The following FADS3 variants were observed in gnomAD, a reference collection of about 807,000 sequenced individuals.
FADS3 encodes the protein fatty acid desaturase 3.
FADS3 carries 30 observed loss-of-function variants against 60.4 expected under a neutral mutation model. The ratio of observed to expected loss-of-function variants is 0.50; its 90% CI spans 0.37 to 0.67. The LOEUF is 0.67. Ranked by LOEUF, FADS3 falls within the 30% of genes least tolerant of loss-of-function variation. FADS3 has a pLI of 0.00. For synonymous variants in FADS3, 234 were observed against 249.3 expected (o/e 0.94, Z 0.58); for missense variants, 432 against 598.3 (o/e 0.72, Z 2.90).
chr11:61,889,715 G>A (rs2136003423), intron 1 of FADS3, among the ~76,000 whole-genome samples: 1 of 152,290 alleles, frequency 6.6e-6, no homozygotes, highest in African/African-American at 2.4e-5. Context: ...ACTAGAGCAG[G>A]CCGGGAGTGG....
Position 61,878,530 on chromosome 11 carries a change from C to A in FADS3, c.729G>T (p.Leu243=). 1 of 1,614,052 alleles carries A rather than the reference C, an allele frequency of 6.2e-7. No homozygotes were observed. Among genetic ancestry groups the A allele is most frequent in the Non-Finnish European group, 8.5e-7 (1 of 1,179,962 alleles). Residue 243 remains leucine, a synonymous_variant, in exon 5 of 12, where the codon CTG becomes CTT. Coordinates refer to ENST00000278829, the MANE Select transcript of FADS3 (RefSeq NM_021727.5). Reference sequence around the variant, plus strand: ...CACCCACCTCGACGGATGACTCCCCCAGGAGGAAGACGGGCGCCACCGTCA... The same window carrying A: ...CACCCACCTCGACGGATGACTCCCCAAGGAGGAAGACGGGCGCCACCGTCA... The part of the protein sequence containing the change: ...PDVTVAPVFL[L]GESSVEYGKK...
Position 61,877,733 on chromosome 11 carries a change from CA to C in FADS3, c.809-147del, listed in dbSNP as rs1351048379. ...CAGCTGAATGACCCCATATCACCCC[CA>C]ATTCTGTGTCCAAGCCTCCCCAGGC... On this transcript the variant is annotated intron_variant, in intron 6 of 11. Coordinates refer to ENST00000278829, the MANE Select transcript of FADS3 (RefSeq NM_021727.5). The surrounding 1 kb of genome is among the most constrained non-coding windows in gnomAD (Gnocchi z 4.7). The C allele has an allele frequency of 1.4e-6, 1 of 722,470 alleles. No individual in the cohort carries two copies. Among genetic ancestry groups the C allele is most frequent in the Non-Finnish European group, 2.3e-6 (1 of 426,316 alleles). 44.8% of individuals were successfully genotyped at this position (722,470 alleles called of 1,614,324 possible).
intron 1 of FADS3, among the ~76,000 whole-genome samples, chr11:61,883,115 T>C (rs2092798706): frequency 6.6e-6 from 1 of 152,232 alleles, no homozygotes; most frequent in African/African-American, 2.4e-5. Context: ...ATTAAGTGCA[T>C]GCACAGTGTT....
At position 61,877,978 on chromosome 11, in the gene FADS3, A is replaced by G; in HGVS notation, c.808+177T>C. 1 of 656,560 alleles carries G rather than the reference A, an allele frequency of 1.5e-6. No individual in the cohort carries two copies. 40.7% of individuals were successfully genotyped at this position (656,560 alleles called of 1,614,324 possible). ...CCCAGGCACGGGAGACAGCTGGGGCAAAGGCATGCTGCTGGGAGAGTGTGT... is the reference window on the plus strand; with the variant it reads ...CCCAGGCACGGGAGACAGCTGGGGCGAAGGCATGCTGCTGGGAGAGTGTGT... On this transcript the variant is annotated intron_variant, in intron 6 of 11. Coordinates refer to ENST00000278829, the MANE Select transcript of FADS3 (RefSeq NM_021727.5). This position sits in a 1 kb window ranked among gnomAD's most constrained non-coding sequence, Gnocchi z 4.7.
chr11:61,878,875 G>A (rs200953117), intron 3 of FADS3, 28 bp from the exon 4 acceptor site: 2 of 1,606,350 alleles, frequency 1.2e-6, no homozygotes, highest in African/African-American at 1.3e-5. Context: ...GTCAGAAGCT[G>A]TTGGGAAGGA....
At chr11:61,880,176 GGACA>G (rs1469999794) in intron 1 of FADS3, 25 bp from the exon 2 acceptor site, 1 of 1,592,180 alleles carries the variant, frequency 6.3e-7, no homozygotes, top group Non-Finnish European at 8.6e-7. Flanking sequence ...ACAGTCAGGC[GGACA>G]GACAGACACA....
rs1238810971 is a variant in FADS3, at chr11:61,876,035, C to T, written c.1161-59G>A. 5.6e-6 allele frequency: 9 copies of T among 1,610,874 alleles called. No homozygotes were observed. The highest frequency in any genetic ancestry group is 1.7e-5 in the Admixed American group (1 of 59,974). On this transcript the variant is annotated intron_variant, in intron 10 of 11. Coordinates refer to ENST00000278829, the MANE Select transcript of FADS3 (RefSeq NM_021727.5). This position sits in a 1 kb window ranked among gnomAD's most constrained non-coding sequence, Gnocchi z 5.7. The stretch of plus-strand genomic sequence containing the variant: ...TGGGAGATTCCAGAGAGAGGCCCCA[C>T]CCACGGGTCCCCTCCCAGGATCCCC...
chr11:61,889,240 G>C (rs1260300972), intron 1 of FADS3, among the ~76,000 whole-genome samples: 1 of 152,206 alleles, frequency 6.6e-6, no homozygotes, highest in Non-Finnish European at 1.5e-5. Flanking sequence ...GAATCAATGA[G>C]AAAACTGTGT....
chr11:61,878,388 C>T, intron 5 of FADS3, 124 bp downstream of exon 5: 27 of 1,455,256 alleles, frequency 1.9e-5, no homozygotes, highest in Non-Finnish European at 2.5e-5. Context: ...GGGGGCAGAG[C>T]TTGGCCCAGC....
rs377115399 is a variant in FADS3 at position 61,878,625 on chromosome 11, C to T, written c.634G>A (p.Ala212Thr). ...FVMGQLKGFS[A>T]HWWNFRHFQH... ...AAGTGGCGGAAGTTCCACCAGTGGG[C>T]GGAGAAGCCCTGTGGAGGAGGAGGG... is the stretch of plus-strand genomic sequence containing the variant. The change falls in exon 5 of 12, where the codon GCC (alanine) becomes ACC (threonine). Residue 212 changes from alanine (A) to threonine (T), a missense_variant. This residue lies in a region of FADS3 where 116 missense variants were observed against 208.9 expected (regional missense o/e 0.56). Transcript: ENST00000278829. 1.9e-6 allele frequency: 3 copies of T among 1,614,092 alleles called. No individual in the cohort carries two copies. The highest frequency in any genetic ancestry group is 2.5e-6 in the Non-Finnish European group (3 of 1,179,970).
intron 1 of FADS3, among the ~76,000 whole-genome samples, chr11:61,883,609 C>T (rs1168827023): frequency 1.3e-5 from 2 of 152,220 alleles, no homozygotes; most frequent in South Asian, 2.1e-4. Flanking sequence ...ACACACCCGG[C>T]GCAACGTGCA....
chr11:61,891,134 C>T, intron 1 of FADS3, 35 bp downstream of exon 1: 1 of 1,534,914 alleles, frequency 6.5e-7, no homozygotes. Flanking sequence ...CCAGGCTCCA[C>T]CCGCCGGTGG....
intron 11 of FADS3, among the ~76,000 whole-genome samples, chr11:61,875,168 G>A (rs761939370): frequency 2.8e-4 from 43 of 152,156 alleles, no homozygotes; most frequent in African/African-American, 9.2e-4. Context: ...TCTAGAGGGC[G>A]TGTGAGGGGA....
intron 2 of FADS3, 118 bp downstream of exon 2, chr11:61,879,923 T>C: frequency 1.3e-6 from 1 of 781,306 alleles, no homozygotes; most frequent in Non-Finnish European, 2.0e-6. Context: ...CAGCCCTGGC[T>C]CTGCATCCCC....
Position 61,876,653 on chromosome 11 carries a change from G to A in FADS3, c.984-198C>T, listed in dbSNP as rs573682832. 9.2e-4 allele frequency: 603 copies of A among 656,092 alleles called. No homozygotes were observed. Among genetic ancestry groups the A allele is most frequent in the Admixed American group, 3.0e-3 (129 of 43,078 alleles). 40.6% of individuals were successfully genotyped at this position (656,092 alleles called of 1,614,324 possible). On this transcript the variant is annotated intron_variant, in intron 8 of 11. Coordinates refer to ENST00000278829, the MANE Select transcript of FADS3 (RefSeq NM_021727.5). The surrounding 1 kb of genome is among the most constrained non-coding windows in gnomAD (Gnocchi z 5.7). ...GTGAGGCTGAGTCCAGAGCAGCTCC[G>A]ACACCCACCGGGCCACTTACAAGCC...
chr11:61,879,215 AT>A, intron 3 of FADS3, 96 bp downstream of exon 3: 1 of 1,071,788 alleles, frequency 9.3e-7, no homozygotes, highest in Non-Finnish European at 1.4e-6. Context: ...TCATAGGTCC[AT>A]TCATTCATTT....
In FADS3 at chr11:61,876,487, C is replaced by T. The variant is rs1175943311; in HGVS notation, c.984-32G>A. The stretch of plus-strand genomic sequence containing the variant: ...GGAGGCTCGGGCACTGCCCTAGGTC[C>T]AGCTCACCACTTAGGCACCCTGAGT... On this transcript the variant is annotated intron_variant, in intron 8 of 11. Transcript: ENST00000278829. The surrounding 1 kb of genome is among the most constrained non-coding windows in gnomAD (Gnocchi z 5.7). 1.3e-6 allele frequency: 2 copies of T among 1,579,410 alleles called. No homozygotes were observed. Among genetic ancestry groups the T allele is most frequent in the South Asian group, 2.2e-5 (2 of 90,360 alleles).
Position 61,877,681 on chromosome 11 carries a change from C to A in FADS3, c.809-94G>T, listed in dbSNP as rs1937959207. On this transcript the variant is annotated intron_variant, in intron 6 of 11. Coordinates refer to ENST00000278829, the MANE Select transcript of FADS3 (RefSeq NM_021727.5). The surrounding 1 kb of genome is among the most constrained non-coding windows in gnomAD (Gnocchi z 4.7). ...AGGGGCTCTGTTACTCCAGGAATGCCCCTGGGACGTTGGTGCTGGTCACAT... is the reference window on the plus strand; with the variant it reads ...AGGGGCTCTGTTACTCCAGGAATGCACCTGGGACGTTGGTGCTGGTCACAT... 3.4e-6 allele frequency: 4 copies of A among 1,162,306 alleles called. No individual in the cohort carries two copies. The highest frequency in any genetic ancestry group is 4.0e-5 in the Admixed American group (2 of 50,438). 72.0% of individuals were successfully genotyped at this position (1,162,306 alleles called of 1,614,324 possible).
rs781102484 is a variant in FADS3, at chr11:61,891,145, GTGGCTTCCTTA to G, written c.213+13_213+23del. ...AGCTCCAGGCTCCACCCGCCGGTGG[GTGGCTTCCTTA>G]TGGCTTCCTTACCGTGGCGTCCTCA... is the stretch of plus-strand genomic sequence containing the variant. On this transcript the variant is annotated intron_variant, in intron 1 of 11. Transcript: ENST00000278829. The G allele has an allele frequency of 9.0e-6, 14 of 1,547,588 alleles. No homozygotes were observed. In the South Asian group the frequency reaches 9.5e-5, roughly 11 times the overall value.
Sources: allele counts gnomAD v4.1 joint callset (sites outside exome capture counted in the v4.1 genomes callset), GRCh38; gene constraint gnomAD v4.1.1; regional missense constraint gnomAD v4.1.1; non-coding constraint Gnocchi (gnomAD v3.1); transcripts MANE v1.5; gene names NCBI Gene and HGNC (gene_info 2026-07-23, HGNC 2026-07-21).